The following WWOX variants were observed in gnomAD, a reference collection of about 807,000 sequenced individuals.
WWOX encodes WW domain-containing oxidoreductase.
In WWOX, 69 loss-of-function variants were observed where a neutral mutation model predicts 46.2. That is an observed-to-expected ratio of 1.49 (90% CI 1.23 to 1.82). The LOEUF is 1.82. Among genes scored for constraint, WWOX ranks in the 40% most tolerant of loss-of-function variants. The pLI, the probability that WWOX is intolerant of heterozygous loss-of-function variation, is 0.00. For missense variants in WWOX, 919 were observed against 542.6 expected, an observed-to-expected ratio of 1.69 and a Z score of -6.89; for synonymous variants, 359 against 202.6, an observed-to-expected ratio of 1.77 and a Z score of -6.56.
rs534821638 is a variant in WWOX, at chr16:78,406,064, A to G, written c.606-18806A>G. Among the ~76,000 whole-genome samples, 3 of 152,082 alleles carry G rather than the reference A, an allele frequency of 2.0e-5. No individual in the cohort carries two copies. In the South Asian group the frequency reaches 6.2e-4, roughly 32 times the overall value. On this transcript the variant is annotated intron_variant, in intron 6 of 8. Coordinates refer to ENST00000566780, the MANE Select transcript of WWOX (RefSeq NM_016373.4). Reference sequence around the variant, plus strand: ...CATTTTCTGAGGGTGTCTCACGTGAAAGTAAATCGCTCATGTTTGTTCTTT... The same window carrying G: ...CATTTTCTGAGGGTGTCTCACGTGAGAGTAAATCGCTCATGTTTGTTCTTT...
intron 5 of WWOX, among the ~76,000 whole-genome samples, chr16:78,338,370 T>C (rs2080940344): frequency 8.2e-6 from 1 of 121,412 alleles, no homozygotes; most frequent in Non-Finnish European, 2.0e-5. Context: ...AATTGTTGTT[T>C]TCCCCAGTTG....
chr16:78,803,675 T>C (rs2050954403), intron 8 of WWOX, among the ~76,000 whole-genome samples: 1 of 152,130 alleles, frequency 6.6e-6, no homozygotes, highest in Non-Finnish European at 1.5e-5. Flanking sequence ...CCCAGGTTGC[T>C]CTCAAACTCC....
At chr16:78,112,549 A>G (rs1422443952) in intron 3 of WWOX, among the ~76,000 whole-genome samples, 1 of 152,158 alleles carries the variant, frequency 6.6e-6, no homozygotes, top group African/African-American at 2.4e-5. Flanking sequence ...GGGGCTGTCT[A>G]GCAGTTGGAT....
intron 8 of WWOX, among the ~76,000 whole-genome samples, chr16:78,513,467 A>G (rs1239309132): frequency 3.9e-5 from 6 of 152,328 alleles, no homozygotes; most frequent in Admixed American, 3.9e-4. Context: ...TTCAATGGGT[A>G]GAGTTTGCTT....
At chr16:78,170,385 C>A (rs1271233365) in intron 5 of WWOX, among the ~76,000 whole-genome samples, 1 of 152,126 alleles carries the variant, frequency 6.6e-6, no homozygotes, top group Non-Finnish European at 1.5e-5. Flanking sequence ...AAAGTCTTAA[C>A]CCATTGTGGA....
At chr16:78,329,746 CTTTCTTTTTT>C (rs1476209353) in intron 5 of WWOX, among the ~76,000 whole-genome samples, 1 of 150,042 alleles carries the variant, frequency 6.7e-6, no homozygotes, top group Non-Finnish European at 1.5e-5. Flanking sequence ...TTTTCTTTTT[CTTTCTTTTTT>C]TTTTTTTTGA....
chr16:78,478,330 C>T (rs140781748), intron 8 of WWOX, among the ~76,000 whole-genome samples: 1 of 152,110 alleles, frequency 6.6e-6, no homozygotes, highest in South Asian at 2.1e-4. Flanking sequence ...TTTAAAATTC[C>T]CTTAAATGAT....
chr16:78,863,082 C>T (rs936921043), intron 8 of WWOX, among the ~76,000 whole-genome samples: 3 of 151,788 alleles, frequency 2.0e-5, no homozygotes, highest in African/African-American at 7.3e-5. Flanking sequence ...CCTCAGCCTC[C>T]CAAGTAGGTG....
chr16:79,043,702 GC>G (rs2048014305), intron 8 of WWOX, among the ~76,000 whole-genome samples: 1 of 152,204 alleles, frequency 6.6e-6, no homozygotes, highest in South Asian at 2.1e-4. Context: ...TATAGACTGG[GC>G]AGAGGAAGAT....
At chr16:78,904,815 G>C (rs2044919899) in intron 8 of WWOX, among the ~76,000 whole-genome samples, 1 of 152,080 alleles carries the variant, frequency 6.6e-6, no homozygotes, top group Admixed American at 6.5e-5. Context: ...TTAGTTCTAT[G>C]TTACTGAATA....
intron 8 of WWOX, among the ~76,000 whole-genome samples, chr16:78,998,941 C>G (rs2047041870): frequency 6.6e-6 from 1 of 152,202 alleles, no homozygotes. Flanking sequence ...TGCCAGCAAC[C>G]AAACTTGCAG....
At chr16:78,471,464 A>G (rs1161990761) in intron 8 of WWOX, among the ~76,000 whole-genome samples, 1 of 152,220 alleles carries the variant, frequency 6.6e-6, no homozygotes, top group Admixed American at 6.5e-5. Context: ...GCTTCATCAT[A>G]GGAAGACGTT....
chr16:79,007,599 A>G lies in WWOX; in HGVS notation c.1057-204009A>G, dbSNP rs534443888. ...ATGCTACTTTATATGGCAAAAGGGA[A>G]TTTGCAGAAGCTAAGCACTTTAAAA... On this transcript the variant is annotated intron_variant, in intron 8 of 8. Transcript: ENST00000566780. 1.6e-4 allele frequency among the ~76,000 whole-genome samples: 24 copies of G among 152,334 alleles called. No homozygotes were observed. The East Asian group carries it at 4.2e-3, about 27-fold the overall frequency.
At chr16:78,171,911 G>C (rs564814799) in intron 5 of WWOX, among the ~76,000 whole-genome samples, 2 of 152,148 alleles carry the variant, frequency 1.3e-5, no homozygotes, top group Admixed American at 6.5e-5. Flanking sequence ...CTGCAGGTGG[G>C]GGGTTGGATA....
chr16:79,010,095 C>T (rs1197683355), intron 8 of WWOX, among the ~76,000 whole-genome samples: 1 of 152,184 alleles, frequency 6.6e-6, no homozygotes, highest in Admixed American at 6.5e-5. Flanking sequence ...CCCACCATGT[C>T]CCTCTGTTCC....
rs547023349 is a variant in WWOX at position 79,183,099 on chromosome 16, C to T, written c.1057-28509C>T. ...GCAACCCACTATGGGTACTCCACTG[C>T]TGGCCTTCATGCAGGTGGAACCACA... On this transcript the variant is annotated intron_variant, in intron 8 of 8. Transcript: ENST00000566780. 2.1e-4 allele frequency among the ~76,000 whole-genome samples: 32 copies of T among 152,322 alleles called. 1 individual carries two copies. In the South Asian group the frequency reaches 6.4e-3, roughly 31 times the overall value.
At chr16:79,028,797 A>G (rs560242478) in intron 8 of WWOX, among the ~76,000 whole-genome samples, 1 of 151,820 alleles carries the variant, frequency 6.6e-6, no homozygotes, top group Non-Finnish European at 1.5e-5. Context: ...GTTTGCTTAC[A>G]TAGATGGAGG....
intron 8 of WWOX, among the ~76,000 whole-genome samples, chr16:78,529,255 A>G: frequency 6.6e-6 from 1 of 152,064 alleles, no homozygotes; most frequent in South Asian, 2.1e-4. Flanking sequence ...GTACCCGACC[A>G]AGAACTTTCT....
chr16:78,648,920 T>C lies in WWOX; in HGVS notation c.1056+216168T>C, dbSNP rs143790868. The stretch of plus-strand genomic sequence containing the variant: ...TGCACTAGGTTAATTTTTTCCCACA[T>C]GGCTTTTCCTGTTTGTTTCTTTGAT... On this transcript the variant is annotated intron_variant, in intron 8 of 8. Transcript: ENST00000566780. Among the ~76,000 whole-genome samples the C allele has an allele frequency of 4.1e-3, 617 of 152,312 alleles. 1 individual carries two copies. Among genetic ancestry groups the C allele is most frequent in the Admixed American group, 0.011 (170 of 15,296 alleles).
Sources: gnomAD v4.1 joint callset for allele counts (sites outside exome capture counted in the v4.1 genomes callset) on GRCh38, gnomAD v4.1.1 for gene constraint, MANE v1.5 for transcripts, NCBI Gene and HGNC (gene_info 2026-07-23, HGNC 2026-07-21) for gene names.